TUBGCP3: variants seen among roughly 807,000 people sequenced by gnomAD.
TUBGCP3 encodes the protein gamma-tubulin complex component 3.
Under a neutral mutation model 123.1 loss-of-function variants are expected in TUBGCP3, and 50 were observed. The observed-to-expected ratio is 0.41, with a 90% CI of 0.32 to 0.51. The LOEUF (loss-of-function observed/expected upper bound fraction) is 0.51. Ranked by LOEUF, TUBGCP3 falls within the 20% of genes least tolerant of loss-of-function variation. The pLI is 0.36. For missense variants in TUBGCP3, 882 were observed against 1,127.0 expected (o/e 0.78, Z 3.11); for synonymous variants, 405 against 413.9 (o/e 0.98, Z 0.26).
At chr13:112,534,387 G>C (rs1348216671) in intron 11 of TUBGCP3, among the ~76,000 whole-genome samples, 1 of 151,994 alleles carries the variant, frequency 6.6e-6, no homozygotes, top group African/African-American at 2.4e-5. Context: ...TCTACTAAAA[G>C]TACAAAAAAT....
intron 21 of TUBGCP3, among the ~76,000 whole-genome samples, chr13:112,488,646 C>A (rs1259281528): frequency 6.7e-6 from 1 of 150,268 alleles, no homozygotes; most frequent in African/African-American, 2.5e-5. Context: ...CAGGGGTCAC[C>A]CCCAGGTCCC....
intron 1 of TUBGCP3, chr13:112,587,481 C>T (rs1218147788): frequency 5.8e-6 from 1 of 171,312 alleles, no homozygotes; most frequent in Non-Finnish European, 1.2e-5. Flanking sequence ...CAGGATGAAC[C>T]CAAAGGCGCG....
At chr13:112,535,822 A>C (rs745353811) in intron 11 of TUBGCP3, among the ~76,000 whole-genome samples, 1 of 152,192 alleles carries the variant, frequency 6.6e-6, no homozygotes, top group Admixed American at 6.5e-5. Context: ...TTTTGATGAC[A>C]TATCTAAGAA....
rs201639739 is a variant in TUBGCP3 at position 112,519,898 on chromosome 13, C to G, written c.1869G>C (p.Val623=). Residue 623 remains valine (V), a synonymous_variant, in exon 15 of 22, where the codon GTG becomes GTC. Transcript: ENST00000261965. The surrounding 1 kb of genome is among the most constrained non-coding windows in gnomAD (Gnocchi z 6.2). The part of the protein sequence containing the change: ...DSPEILRRLD[V]RLLEVSPGDT... ...AGAGCCGCAGTACCTCCAGCAGCCGCACGTCCAGCCTTCGCAGGATCTCAG... is the reference window on the plus strand; with the variant it reads ...AGAGCCGCAGTACCTCCAGCAGCCGGACGTCCAGCCTTCGCAGGATCTCAG... The G allele has an allele frequency of 6.2e-7, 1 of 1,613,416 alleles. No homozygotes were observed. Among genetic ancestry groups the G allele is most frequent in the African/African-American group, 1.3e-5 (1 of 75,026 alleles).
chr13:112,504,215 T>C (rs767376071), intron 18 of TUBGCP3, 52 bp from the exon 19 acceptor site: 23 of 1,611,150 alleles, frequency 1.4e-5, no homozygotes, highest in Middle Eastern at 1.7e-4. Flanking sequence ...CTTCCTAGTG[T>C]AGCATCACTC....
chr13:112,501,083 A>C (rs1161848003), intron 19 of TUBGCP3, among the ~76,000 whole-genome samples: 1 of 152,214 alleles, frequency 6.6e-6, no homozygotes, highest in African/African-American at 2.4e-5. Flanking sequence ...GGCAACAAAA[A>C]CAATGTGGAC....
At position 112,588,136 on chromosome 13, in the gene TUBGCP3, G is replaced by A; in HGVS notation, c.-156C>T. The A allele has an allele frequency of 7.4e-6, 4 of 543,306 alleles. No homozygotes were observed. The highest frequency in any genetic ancestry group is 1.2e-5 in the Non-Finnish European group (4 of 343,844). The allele number at this position is 543,306 out of a possible 1,614,324, so 33.7% of individuals were successfully genotyped here. On this transcript the variant is annotated 5_prime_UTR_variant, in exon 1 of 22. Transcript: ENST00000261965. ...CCGGCCACCAGGGCGCCATTTTAAC[G>A]GAACCCGCCGAAAGCGCGGGCGCTT...
chr13:112,533,923 G>GTA (rs927202811), intron 11 of TUBGCP3, among the ~76,000 whole-genome samples: 3 of 151,064 alleles, frequency 2.0e-5, no homozygotes, highest in African/African-American at 7.3e-5. Context: ...CCCGAGCAGT[G>GTA]TACACTGCAC....
intron 1 of TUBGCP3, among the ~76,000 whole-genome samples, chr13:112,585,569 T>TG (rs1882552453): frequency 6.6e-6 from 1 of 151,896 alleles, no homozygotes. Context: ...GGTCAGGAGT[T>TG]GGAGACCAGC....
Position 112,527,257 on chromosome 13 carries a change from C to A in TUBGCP3, c.1446+117G>T. ...AATTAACATGCACTTACTTCATCTC[C>A]AGAACGTTAACAATCTCAAAACGCA... On this transcript the variant is annotated intron_variant, in intron 12 of 21. Transcript: ENST00000261965. 3 of 818,628 alleles carry A rather than the reference C, an allele frequency of 3.7e-6. No homozygotes were observed. In the South Asian group the frequency reaches 5.3e-5, roughly 14 times the overall value. 50.7% of individuals were successfully genotyped at this position (818,628 alleles called of 1,614,324 possible).
intron 20 of TUBGCP3, among the ~76,000 whole-genome samples, chr13:112,497,265 G>A (rs1034242086): frequency 6.6e-6 from 1 of 152,204 alleles, no homozygotes; most frequent in African/African-American, 2.4e-5. Context: ...GAGTTAGGTA[G>A]AATCGTGAGT....
rs1876160212 is a variant in TUBGCP3, at chr13:112,516,638, C to T, written c.1951-63G>A. ...ACGTAAGAATCCTCTCAGTACAGGT[C>T]TCAATCTTTTTTTAAAAAGGTACAT... On this transcript the variant is annotated intron_variant, in intron 16 of 21. Coordinates refer to ENST00000261965, the MANE Select transcript of TUBGCP3 (RefSeq NM_006322.6). 2.4e-5 allele frequency: 35 copies of T among 1,488,734 alleles called. No individual in the cohort carries two copies. In the South Asian group the frequency reaches 3.9e-4, roughly 16 times the overall value. The allele number at this position is 1,488,734 out of a possible 1,614,324, so 92.2% of individuals were successfully genotyped here. A position where few individuals can be genotyped will look rare whatever the true frequency, so the allele number is the denominator to read the frequency against.
intron 1 of TUBGCP3, among the ~76,000 whole-genome samples, chr13:112,586,132 G>A (rs549567585): frequency 2.0e-5 from 3 of 151,718 alleles, no homozygotes; most frequent in South Asian, 2.1e-4. Context: ...CCAGCTACTC[G>A]GGAGGCTGAG....
intron 1 of TUBGCP3, 35 bp downstream of exon 1, chr13:112,587,870 G>C (rs959733403): frequency 1.9e-6 from 3 of 1,565,018 alleles, no homozygotes; most frequent in African/African-American, 2.8e-5. Flanking sequence ...CCCCCGGGAC[G>C]GGTCTGCGGG....
At chr13:112,541,046 G>T (rs924763470) in intron 11 of TUBGCP3, among the ~76,000 whole-genome samples, 8 of 152,114 alleles carry the variant, frequency 5.3e-5, no homozygotes, top group Non-Finnish European at 8.8e-5. Flanking sequence ...TCACCTCAAT[G>T]AATCAAAGTT....
upstream of TUBGCP3, among the ~76,000 whole-genome samples, chr13:112,588,386 C>A (rs1412037248): frequency 6.6e-6 from 1 of 152,152 alleles, no homozygotes; most frequent in African/African-American, 2.4e-5. Flanking sequence ...ACCATAAAGG[C>A]CATAATTTGG....
Position 112,545,656 on chromosome 13 carries a change from T to C in TUBGCP3, c.1335+43A>G. 1.3e-6 allele frequency: 2 copies of C among 1,598,424 alleles called. No individual in the cohort carries two copies. The highest frequency in any genetic ancestry group is 1.7e-5 in the Admixed American group (1 of 59,832). On this transcript the variant is annotated intron_variant, in intron 11 of 21. Coordinates refer to ENST00000261965, the MANE Select transcript of TUBGCP3 (RefSeq NM_006322.6). This position sits in a 1 kb window ranked among gnomAD's most constrained non-coding sequence, Gnocchi z 4.1. ...ATGAAACAGCATAACTGCGTGCCCATGCTTTTTAAATCCAAGTCTCAGAAC... is the reference window on the plus strand; with the variant it reads ...ATGAAACAGCATAACTGCGTGCCCACGCTTTTTAAATCCAAGTCTCAGAAC...
chr13:112,574,845 G>A (rs1172601042), intron 1 of TUBGCP3, among the ~76,000 whole-genome samples: 1 of 152,214 alleles, frequency 6.6e-6, no homozygotes, highest in Non-Finnish European at 1.5e-5. Context: ...TACTGCACCA[G>A]CTGGGGCTGG....
intron 11 of TUBGCP3, among the ~76,000 whole-genome samples, chr13:112,536,739 G>GT (rs1384236242): frequency 6.6e-6 from 1 of 152,032 alleles, no homozygotes; most frequent in Non-Finnish European, 1.5e-5. Flanking sequence ...GGATTCTTTA[G>GT]TTTTCTATAA....
Sources: allele counts gnomAD v4.1 joint callset (sites outside exome capture counted in the v4.1 genomes callset), GRCh38; gene constraint gnomAD v4.1.1; non-coding constraint Gnocchi (gnomAD v3.1); transcripts MANE v1.5; gene names NCBI Gene and HGNC (gene_info 2026-07-23, HGNC 2026-07-21).